The following METAP1 variants were observed in gnomAD, a reference collection of about 807,000 sequenced individuals.
The protein encoded by METAP1 is methionyl aminopeptidase 1.
Under a neutral mutation model 53.8 loss-of-function variants are expected in METAP1, and 28 were observed. That is an observed-to-expected ratio of 0.52 (90% CI 0.39 to 0.71). The LOEUF is 0.71. Among genes scored for constraint, METAP1 ranks in the 30% least tolerant of loss-of-function variants. The pLI is 0.00. For missense variants in METAP1, 389 were observed against 479.8 expected, an observed-to-expected ratio of 0.81 and a Z score of 1.77; for synonymous variants, 181 against 165.7, an observed-to-expected ratio of 1.09 and a Z score of -0.71.
intron 10 of METAP1, 85 bp from the exon 11 acceptor site, chr4:99,061,069 T>C (rs1172769186): frequency 3.3e-5 from 45 of 1,375,668 alleles, no homozygotes; most frequent in Non-Finnish European, 4.3e-5. Flanking sequence ...AGGATCTTAG[T>C]AGTGAATTTT....
chr4:99,011,462 A>G (rs1314461969), intron 1 of METAP1, among the ~76,000 whole-genome samples: 3 of 152,158 alleles, frequency 2.0e-5, no homozygotes, highest in African/African-American at 7.2e-5. Flanking sequence ...TATTAAATTG[A>G]TTTTTGTTTT....
chr4:98,999,508 ATTTT>A (rs58336779), intron 1 of METAP1, among the ~76,000 whole-genome samples: 3 of 113,046 alleles, frequency 2.7e-5, no homozygotes, highest in Admixed American at 9.5e-5. Flanking sequence ...AGGATGCTTA[ATTTT>A]TTTTTTTTTT....
intron 9 of METAP1, among the ~76,000 whole-genome samples, chr4:99,057,170 A>G (rs1354256664): frequency 6.6e-6 from 1 of 152,154 alleles, no homozygotes; most frequent in Non-Finnish European, 1.5e-5. Context: ...CACCCAGCTT[A>G]TTTTTTAAAA....
chr4:99,010,684 A>T (rs1392134558), intron 1 of METAP1, among the ~76,000 whole-genome samples: 1 of 152,024 alleles, frequency 6.6e-6, no homozygotes, highest in Admixed American at 6.6e-5. Flanking sequence ...GAATTTTAGA[A>T]TTTTTTTCAA....
rs1380393908 is a variant in METAP1 at position 99,035,402 on chromosome 4, G to T, written c.282G>T (p.Met94Ile). Residue 94 changes from methionine (M) to isoleucine (I), a missense_variant and splice_region_variant, in exon 4 of 11, where the codon ATG becomes ATT. Physicochemically the swap from Met to Ile is conservative, Grantham distance 10. Transcript: ENST00000296411. Reference sequence around the variant, plus strand: ...GTTTTAACTAACTTTGTTTTTAGATGCCAACAAGGCCAGTGCCAAGTTATA... The same window carrying T: ...GTTTTAACTAACTTTGTTTTTAGATTCCAACAAGGCCAGTGCCAAGTTATA... Reference protein sequence around the residue: ...TGKLRPHYPLMPTRPVPSYIQ... With the variant: ...TGKLRPHYPLIPTRPVPSYIQ... The T allele has an allele frequency of 6.5e-7, 1 of 1,544,716 alleles. No homozygotes were observed. The highest frequency in any genetic ancestry group is 1.4e-5 in the African/African-American group (1 of 72,810).
intron 1 of METAP1, chr4:99,026,136 C>G (rs966122095): frequency 5.5e-6 from 4 of 724,264 alleles, no homozygotes; most frequent in Non-Finnish European, 6.8e-6. Context: ...ACTGGTGCAT[C>G]CTTAACTTTG....
rs540930889 is a variant in METAP1 at position 99,011,685 on chromosome 4, A to G, written c.114+15818A>G. On this transcript the variant is annotated intron_variant, in intron 1 of 10. Coordinates refer to ENST00000296411, the MANE Select transcript of METAP1 (RefSeq NM_015143.3). ...GCTGGGCGTGGTGGCTGATGCCTGT[A>G]ATCCCAGCACTTTGGGAGGCTGAGG... 1.1e-4 allele frequency among the ~76,000 whole-genome samples: 16 copies of G among 152,340 alleles called. No homozygotes were observed. In the South Asian group the frequency reaches 3.3e-3, roughly 32 times the overall value.
At chr4:99,000,815 T>C (rs1429587567) in intron 1 of METAP1, among the ~76,000 whole-genome samples, 2 of 151,864 alleles carry the variant, frequency 1.3e-5, no homozygotes, top group Non-Finnish European at 2.9e-5. Flanking sequence ...GTGATCCTCC[T>C]ACCTCAGCCT....
At chr4:99,044,069 G>A (rs1364739378) in intron 7 of METAP1, among the ~76,000 whole-genome samples, 1 of 152,084 alleles carries the variant, frequency 6.6e-6, no homozygotes, top group African/African-American at 2.4e-5. Flanking sequence ...TGAGACTGCA[G>A]GCTCATTGCT....
intron 10 of METAP1, among the ~76,000 whole-genome samples, chr4:99,058,627 T>G (rs921854372): frequency 6.6e-6 from 1 of 152,162 alleles, no homozygotes; most frequent in Non-Finnish European, 1.5e-5. Flanking sequence ...GAGCCCTGTT[T>G]TAAAGGATAC....
chr4:99,039,768 A>T (rs184428466), intron 5 of METAP1, among the ~76,000 whole-genome samples: 1 of 151,908 alleles, frequency 6.6e-6, no homozygotes, highest in East Asian at 1.9e-4. Flanking sequence ...TAATTTTTGT[A>T]TTTTTAGTAG....
rs1726009846 is a variant in METAP1, at chr4:99,043,359, G to T, written c.627G>T (p.Arg209Ser). 6.2e-7 allele frequency: 1 copy of T among 1,602,616 alleles called. No individual in the cohort carries two copies. The highest frequency in any genetic ancestry group is 1.7e-5 in the Admixed American group (1 of 58,620). Residue 209 changes from arginine (R) to serine (S), a missense_variant, in exon 7 of 11, where the codon AGG becomes AGT. Physicochemically the swap from Arg to Ser is moderately radical, Grantham distance 110. Coordinates refer to ENST00000296411, the MANE Select transcript of METAP1 (RefSeq NM_015143.3). Reference sequence around the variant, plus strand: ...TTTGCCATGGAATACCAGACAGAAGGCCCTTACAAGAAGGTGACATTGTTA... The same window carrying T: ...TTTGCCATGGAATACCAGACAGAAGTCCCTTACAAGAAGGTGACATTGTTA... Reference protein sequence around the residue: ...EVICHGIPDRRPLQEGDIVNV... With the variant: ...EVICHGIPDRSPLQEGDIVNV...
intron 1 of METAP1, among the ~76,000 whole-genome samples, chr4:99,004,446 T>TAC (rs1189663861): frequency 0.031 from 2,475 of 80,006 alleles, 27 homozygotes; most frequent in Middle Eastern, 0.062. Flanking sequence ...TGTGGACAGA[T>TAC]ACACACACAC....
At chr4:99,050,163 G>A (rs1726592229) in intron 9 of METAP1, among the ~76,000 whole-genome samples, 2 of 152,154 alleles carry the variant, frequency 1.3e-5, no homozygotes. Context: ...AAGCCAGTTG[G>A]TGGGTGAACA....
At position 99,026,146 on chromosome 4, in the gene METAP1, G is replaced by T. The variant is rs888722182; in HGVS notation, c.115-2721G>T. The T allele has an allele frequency of 7.4e-6, 6 of 809,122 alleles. No homozygotes were observed. The African/African-American group carries it at 9.3e-5, about 13-fold the overall frequency. The allele number at this position is 809,122 out of a possible 1,614,324, so 50.1% of individuals were successfully genotyped here. ...CTGTCACTGGTGCATCCTTAACTTT[G>T]GCAAAATAAACTTTCTAAAGTGACT... On this transcript the variant is annotated intron_variant, in intron 1 of 10. Transcript: ENST00000296411.
chr4:99,022,325 C>T, intron 1 of METAP1: 4 of 834,372 alleles, frequency 4.8e-6, no homozygotes, highest in Non-Finnish European at 6.8e-6. Context: ...GAGTCCCTGA[C>T]CAGGGAAGAT....
At chr4:99,004,156 A>G (rs540758069) in intron 1 of METAP1, among the ~76,000 whole-genome samples, 1 of 152,324 alleles carries the variant, frequency 6.6e-6, no homozygotes, top group African/African-American at 2.4e-5. Flanking sequence ...CCAAGCTTCC[A>G]TGAGTTCAGT....
At chr4:99,050,250 T>C (rs1726597366) in intron 9 of METAP1, among the ~76,000 whole-genome samples, 1 of 152,156 alleles carries the variant, frequency 6.6e-6, no homozygotes, top group African/African-American at 2.4e-5. Flanking sequence ...CAGCAGGCAG[T>C]CCAGGTGTGC....
At chr4:99,020,647 G>A (rs1724054356) in intron 1 of METAP1, among the ~76,000 whole-genome samples, 1 of 152,110 alleles carries the variant, frequency 6.6e-6, no homozygotes, top group African/African-American at 2.4e-5. Flanking sequence ...TCCCTTAGGG[G>A]ATAAAGAGAA....
Sources: allele counts gnomAD v4.1 joint callset (sites outside exome capture counted in the v4.1 genomes callset), GRCh38; gene constraint gnomAD v4.1.1; transcripts MANE v1.5; gene names NCBI Gene and HGNC (gene_info 2026-07-23, HGNC 2026-07-21).